DIS3L: variants seen among roughly 807,000 people sequenced by gnomAD.
DIS3L encodes DIS3-like exonuclease 1.
A neutral mutation model predicts 120.3 loss-of-function variants in DIS3L; 100 were observed. The observed-to-expected ratio is 0.83, with a 90% CI of 0.71 to 0.98. The LOEUF (loss-of-function observed/expected upper bound fraction) is 0.98, where lower values mean the gene tolerates loss of function less well. DIS3L is among the 50% of genes least tolerant of loss of function. The pLI is 0.00. For synonymous variants in DIS3L, 426 were observed against 470.6 expected (o/e 0.91, Z 1.23); for missense variants, 1,196 against 1,314.2 (o/e 0.91, Z 1.39).
rs754102150 is a variant in DIS3L at position 66,308,828 on chromosome 15, T to C, written c.542T>C (p.Phe181Ser). Reference protein sequence around the residue: ...QQYGSETEGVFVITFKNYLDN... With the variant: ...QQYGSETEGVSVITFKNYLDN... ...TATGGAAGTGAAACAGAAGGAGTAT[T>C]CGTGATTACTTTCAAGGTATTTCCA... The change falls in exon 4 of 17, where the codon TTC (phenylalanine) becomes TCC (serine). Residue 181 changes from phenylalanine (F) to serine (S), a missense_variant. Transcript: ENST00000319212. 4.8e-5 allele frequency: 78 copies of C among 1,612,954 alleles called. 3 individuals are homozygous for C. The South Asian group carries it at 8.5e-4, about 18-fold the overall frequency.
At chr15:66,325,051 A>C (rs1238163170) in intron 11 of DIS3L, among the ~76,000 whole-genome samples, 2 of 152,160 alleles carry the variant, frequency 1.3e-5, no homozygotes, top group Non-Finnish European at 2.9e-5. Flanking sequence ...GCTCTAATTT[A>C]CTGAGCTAAA....
intron 2 of DIS3L, among the ~76,000 whole-genome samples, chr15:66,296,996 G>C (rs886396557): frequency 6.6e-6 from 1 of 152,116 alleles, no homozygotes; most frequent in Non-Finnish European, 1.5e-5. Flanking sequence ...AATCCTTTGG[G>C]GGAAATGGAT....
At chr15:66,323,643 C>T in intron 11 of DIS3L, 58 bp downstream of exon 11, 1 of 1,545,088 alleles carries the variant, frequency 6.5e-7, no homozygotes, top group Non-Finnish European at 9.0e-7. Context: ...GCTCCTGATG[C>T]TGCCTGCTTC....
In DIS3L at chr15:66,314,078, G is replaced by A. The variant is rs2092792604; in HGVS notation, c.775G>A (p.Ala259Thr). 1 of 1,530,208 alleles carries A rather than the reference G, an allele frequency of 6.5e-7. No homozygotes were observed. The highest frequency in any genetic ancestry group is 2.4e-5 in the East Asian group (1 of 41,466). The allele number at this position is 1,530,208 out of a possible 1,614,324, so 94.8% of individuals were successfully genotyped here. A position where few individuals can be genotyped will look rare whatever the true frequency, so the allele number is the denominator to read the frequency against. ...NVNKHRAQIE[A>T]FVRLQGASSK... ...CAACAAACACAGAGCCCAAATAGAA[G>A]CTTTTGTTCGACTTCAAGGAGCCAG... Residue 259 changes from alanine to threonine, a missense_variant, in exon 6 of 17, where the codon GCT (alanine) becomes ACT (threonine). By Grantham distance (58) the Ala-to-Thr change is moderately conservative. Coordinates refer to ENST00000319212, the MANE Select transcript of DIS3L (RefSeq NM_001143688.3).
At position 66,306,987 on chromosome 15, in the gene DIS3L, C is replaced by T. The variant is rs375813329; in HGVS notation, c.422+35C>T. 65 of 1,608,294 alleles carry T rather than the reference C, an allele frequency of 4.0e-5. No individual in the cohort carries two copies. The South Asian group carries it at 6.6e-4, about 16-fold the overall frequency. On this transcript the variant is annotated intron_variant, in intron 3 of 16. Transcript: ENST00000319212. ...TGACTTGCTGCTGTTTTCACACTGT[C>T]GTCTTCTTTCATTTCCTCATCATTG...
rs535749569 is a variant in DIS3L, at chr15:66,312,209, TA to T, written c.735+328del. Among the ~76,000 whole-genome samples, 1,110 of 121,278 alleles carry T rather than the reference TA, an allele frequency of 9.2e-3. 6 individuals carry two copies. Among genetic ancestry groups the T allele is most frequent in the South Asian group, 0.017 (64 of 3,710 alleles). The allele number at this position is 121,278 out of a possible 152,430, so 79.6% of individuals were successfully genotyped here. Reference sequence around the variant, plus strand: ...GGTGACAGTGAGAACCTGTCTCAATTAAAAAAAAAAAAAAAAAAAGAATCTG... The same window carrying T: ...GGTGACAGTGAGAACCTGTCTCAATTAAAAAAAAAAAAAAAAAAGAATCTG... On this transcript the variant is annotated intron_variant, in intron 5 of 16. Transcript: ENST00000319212.
At chr15:66,331,685 T>A in intron 14 of DIS3L, 190 bp from the exon 15 acceptor site, 1 of 533,314 alleles carries the variant, frequency 1.9e-6, no homozygotes, top group Non-Finnish European at 2.9e-6. Flanking sequence ...AATAATTCAT[T>A]TTCTAAGACA....
intron 12 of DIS3L, among the ~76,000 whole-genome samples, chr15:66,328,039 T>C (rs1343198003): frequency 6.6e-6 from 1 of 152,236 alleles, no homozygotes; most frequent in African/African-American, 2.4e-5. Flanking sequence ...GTATGGTCAC[T>C]GTATGAGCTG....
intron 2 of DIS3L, among the ~76,000 whole-genome samples, chr15:66,304,998 CTT>C (rs1283384329): frequency 1.9e-4 from 20 of 105,054 alleles, no homozygotes; most frequent in East Asian, 5.2e-4. Flanking sequence ...AAATCGATTT[CTT>C]TTTTTTTTTT....
At chr15:66,294,401 G>A in intron 1 of DIS3L, 2 of 985,624 alleles carry the variant, frequency 2.0e-6, no homozygotes, top group Non-Finnish European at 2.4e-6. Flanking sequence ...AATGGGCTGG[G>A]GGTCCTTGTC....
chr15:66,294,078 C>T (rs1305492737), intron 1 of DIS3L: 2 of 986,036 alleles, frequency 2.0e-6, no homozygotes, highest in African/African-American at 1.7e-5. Flanking sequence ...AACCTCGCGC[C>T]GTGGAGAAAT....
At position 66,333,476 on chromosome 15, in the gene DIS3L, AC is replaced by A; in HGVS notation, c.*168del. ...CCGGGCACGGTGGCTCACGCCTGTA[AC>A]CCCAGCACTTTGGGAGGCTGAGGCG... On this transcript the variant is annotated 3_prime_UTR_variant, in exon 17 of 17. Transcript: ENST00000319212. 1 of 678,808 alleles carries A rather than the reference AC, an allele frequency of 1.5e-6. No individual in the cohort carries two copies. The highest frequency in any genetic ancestry group is 2.3e-6 in the Non-Finnish European group (1 of 436,038). 42.0% of individuals were successfully genotyped at this position (678,808 alleles called of 1,614,324 possible).
At chr15:66,301,170 C>CT in intron 2 of DIS3L, among the ~76,000 whole-genome samples, 1 of 152,288 alleles carries the variant, frequency 6.6e-6, no homozygotes, top group Middle Eastern at 3.4e-3. Context: ...GTAGGTTTAA[C>CT]TGCCCCTCTG....
chr15:66,312,026 G>A, intron 5 of DIS3L, 126 bp downstream of exon 5: 1 of 1,085,370 alleles, frequency 9.2e-7, no homozygotes, highest in Non-Finnish European at 1.3e-6. Flanking sequence ...GGGCAACATA[G>A]TGAAACCCTG....
In DIS3L at chr15:66,330,315, G is replaced by A. The variant is rs73486065; in HGVS notation, c.2535+916G>A. ...CCGTCTAAAAAAAAAAAATCACACC[G>A]TGCCTGCTGTTTGAATCTGCTTTTT... On this transcript the variant is annotated intron_variant, in intron 14 of 16. Transcript: ENST00000319212. 1,890 of 985,046 alleles carry A rather than the reference G, an allele frequency of 1.9e-3. 34 individuals are homozygous for A. The African/African-American group carries it at 0.03, about 16-fold the overall frequency. The allele number at this position is 985,046 out of a possible 1,614,324, so 61.0% of individuals were successfully genotyped here. A position where few individuals can be genotyped will look rare whatever the true frequency, so the allele number is the denominator to read the frequency against.
At position 66,308,714 on chromosome 15, in the gene DIS3L, T is replaced by G. The variant is rs149513595; in HGVS notation, c.428T>G (p.Ile143Arg). The change falls in exon 4 of 17, where the codon ATA becomes AGA. Residue 143 changes from isoleucine to arginine, a missense_variant. Coordinates refer to ENST00000319212, the MANE Select transcript of DIS3L (RefSeq NM_001143688.3). ...TGTGCCCTTTGCTTTTCCAGGAGCA[T>G]ATACAACGCAGCTGTTTGGTACTAT... is the stretch of plus-strand genomic sequence containing the variant. ...ESMEKWQTRS[I>R]YNAAVWYYHH... 2.3e-4 allele frequency: 373 copies of G among 1,609,454 alleles called. No individual in the cohort carries two copies. The highest frequency in any genetic ancestry group is 3.1e-4 in the Non-Finnish European group (369 of 1,176,922).
intron 2 of DIS3L, among the ~76,000 whole-genome samples, chr15:66,306,138 T>C (rs1430612781): frequency 6.6e-6 from 1 of 152,164 alleles, no homozygotes; most frequent in Non-Finnish European, 1.5e-5. Flanking sequence ...GCTACCACGC[T>C]AATTTTTGTA....
chr15:66,308,610 T>C, intron 3 of DIS3L, 99 bp from the exon 4 acceptor site: 1 of 1,415,304 alleles, frequency 7.1e-7, no homozygotes. Flanking sequence ...AATGGTTATC[T>C]ATATAGTCCA....
At chr15:66,320,479 C>T in intron 8 of DIS3L, 92 bp from the exon 9 acceptor site, 1 of 1,413,430 alleles carries the variant, frequency 7.1e-7, no homozygotes, top group South Asian at 1.4e-5. Flanking sequence ...CCTTGGAACC[C>T]AGTATTGTTT....
Sources: allele counts gnomAD v4.1 joint callset (sites outside exome capture counted in the v4.1 genomes callset), GRCh38; gene constraint gnomAD v4.1.1; transcripts MANE v1.5; gene names NCBI Gene and HGNC (gene_info 2026-07-23, HGNC 2026-07-21).